The following INPP4B variants were observed in gnomAD, a reference collection of about 807,000 sequenced individuals.
The protein encoded by INPP4B is inositol polyphosphate-4-phosphatase type II B.
A neutral mutation model predicts 122.5 loss-of-function variants in INPP4B; 55 were observed. The ratio of observed to expected loss-of-function variants is 0.45; its 90% CI spans 0.36 to 0.56. The LOEUF (loss-of-function observed/expected upper bound fraction) is 0.56, where lower values mean the gene tolerates loss of function less well. Among genes scored for constraint, INPP4B ranks in the 20% least tolerant of loss-of-function variants. The pLI, the probability that INPP4B is intolerant of heterozygous loss-of-function variation, is 0.00. For synonymous variants in INPP4B, 403 were observed against 388.7 expected (o/e 1.04, Z -0.43); for missense variants, 1,000 against 1,097.7 (o/e 0.91, Z 1.26).
At chr4:142,640,891 A>G (rs1750242417) in intron 2 of INPP4B, among the ~76,000 whole-genome samples, 1 of 152,210 alleles carries the variant, frequency 6.6e-6, no homozygotes, top group Non-Finnish European at 1.5e-5. Flanking sequence ...GACACTCAGC[A>G]GATTGGCTAA....
chr4:142,557,583 T>C (rs928475543), intron 2 of INPP4B, among the ~76,000 whole-genome samples: 1 of 152,184 alleles, frequency 6.6e-6, no homozygotes, highest in African/African-American at 2.4e-5. Flanking sequence ...ATGCTCCCGA[T>C]GTCCAGGCAC....
chr4:142,490,773 A>C (rs1821775489), intron 2 of INPP4B, among the ~76,000 whole-genome samples: 1 of 152,074 alleles, frequency 6.6e-6, no homozygotes, highest in Non-Finnish European at 1.5e-5. Flanking sequence ...ATGACTTTAT[A>C]ACTTTTTTAG....
intron 17 of INPP4B, among the ~76,000 whole-genome samples, chr4:142,150,544 C>A (rs574437151): frequency 7.9e-5 from 12 of 152,296 alleles, no homozygotes; most frequent in South Asian, 6.2e-4. Context: ...CAACCCTACT[C>A]CTTGGAGGTC....
At chr4:142,559,522 T>C (rs1194432116) in intron 2 of INPP4B, among the ~76,000 whole-genome samples, 1 of 152,154 alleles carries the variant, frequency 6.6e-6, no homozygotes, top group African/African-American at 2.4e-5. Flanking sequence ...TTCAAAAGCA[T>C]CAAATAGCAA....
At chr4:142,636,480 T>TG (rs1749189491) in intron 2 of INPP4B, among the ~76,000 whole-genome samples, 1 of 152,128 alleles carries the variant, frequency 6.6e-6, no homozygotes, top group African/African-American at 2.4e-5. Context: ...GAGTTGCAAA[T>TG]TTTTCCCAAT....
At chr4:142,148,885 T>C (rs1812231495) in intron 17 of INPP4B, among the ~76,000 whole-genome samples, 1 of 152,194 alleles carries the variant, frequency 6.6e-6, no homozygotes, top group Non-Finnish European at 1.5e-5. Context: ...TGACACAATA[T>C]TTATTAGGGT....
chr4:142,145,717 A>C, intron 18 of INPP4B, 123 bp downstream of exon 18: 1 of 909,596 alleles, frequency 1.1e-6, no homozygotes. Flanking sequence ...GCAGTGGAAA[A>C]GCATGCTATC....
intron 7 of INPP4B, among the ~76,000 whole-genome samples, chr4:142,345,176 T>C (rs1779918228): frequency 6.6e-6 from 1 of 152,028 alleles, no homozygotes; most frequent in African/African-American, 2.4e-5. Flanking sequence ...AATATCTTTA[T>C]GGAAGAATCT....
chr4:142,119,621 G>T (rs1328454592), intron 21 of INPP4B, among the ~76,000 whole-genome samples: 1 of 147,764 alleles, frequency 6.8e-6, no homozygotes, highest in Non-Finnish European at 1.5e-5. Flanking sequence ...ACAGGATGGG[G>T]TACATCATAC....
At chr4:142,719,965 G>T (rs571682193) in intron 2 of INPP4B, among the ~76,000 whole-genome samples, 2 of 152,262 alleles carry the variant, frequency 1.3e-5, no homozygotes, top group Admixed American at 6.5e-5. Context: ...TACAAAAACA[G>T]AATGAAACAA....
Position 142,743,632 on chromosome 4 carries a change from G to A in INPP4B, c.-253-17731C>T, listed in dbSNP as rs192932414. ...TCTAATACCCCAGGCAGCCAGCTGA[G>A]AAATTGGCTGCTTTATGAGTCATAC... is the stretch of plus-strand genomic sequence containing the variant. On this transcript the variant is annotated intron_variant, in intron 1 of 25. Coordinates refer to ENST00000262992, the MANE Select transcript of INPP4B (RefSeq NM_001101669.3). Among the ~76,000 whole-genome samples, 73 of 152,034 alleles carry A rather than the reference G, an allele frequency of 4.8e-4. No individual in the cohort carries two copies. In the East Asian group the frequency reaches 0.01, roughly 22 times the overall value.
At chr4:142,269,835 ATGAT>A (rs1187918567) in intron 10 of INPP4B, among the ~76,000 whole-genome samples, 5 of 152,154 alleles carry the variant, frequency 3.3e-5, no homozygotes, top group Non-Finnish European at 7.3e-5. Context: ...AGTATATACA[ATGAT>A]TGTTTATTAA....
At chr4:142,098,667 ATT>A in intron 23 of INPP4B, among the ~76,000 whole-genome samples, 1 of 152,138 alleles carries the variant, frequency 6.6e-6, no homozygotes, top group Middle Eastern at 3.4e-3. Flanking sequence ...AAGGGTGGCT[ATT>A]TTTTTCCCCA....
intron 2 of INPP4B, among the ~76,000 whole-genome samples, chr4:142,529,172 A>C (rs1159976068): frequency 2.6e-5 from 4 of 152,110 alleles, no homozygotes; most frequent in Non-Finnish European, 5.9e-5. Context: ...TATCCATTTA[A>C]AGTGCAAGAC....
In INPP4B at chr4:142,025,866, CA is replaced by C. The variant is rs1192205638; in HGVS notation, c.*2915del. On this transcript the variant is annotated 3_prime_UTR_variant, in exon 26 of 26. Transcript: ENST00000262992. The stretch of plus-strand genomic sequence containing the variant: ...CGACTCACTGAATTATGAGGCTGAC[CA>C]AACTTATGTTCAGGGATTGTTTTGG... 1 of 152,050 alleles carries C rather than the reference CA, an allele frequency of 6.6e-6. No individual in the cohort carries two copies. The highest frequency in any genetic ancestry group is 6.6e-5 in the Admixed American group (1 of 15,254). The allele number at this position is 152,050 out of a possible 1,614,324, so 9.4% of individuals were successfully genotyped here.
chr4:142,472,241 T>G (rs1182637285), intron 2 of INPP4B, among the ~76,000 whole-genome samples: 1 of 151,928 alleles, frequency 6.6e-6, no homozygotes, highest in African/African-American at 2.4e-5. Context: ...AATTAATTTA[T>G]CTTCAGTAGC....
intron 1 of INPP4B, among the ~76,000 whole-genome samples, chr4:142,836,569 C>A (rs1298595004): frequency 6.6e-6 from 1 of 151,878 alleles, no homozygotes; most frequent in African/African-American, 2.4e-5. Context: ...TCAATTTAAT[C>A]CTTATCTCAC....
chr4:142,068,063 G>T (rs1396594422), intron 25 of INPP4B, among the ~76,000 whole-genome samples: 3 of 152,194 alleles, frequency 2.0e-5, no homozygotes, highest in Non-Finnish European at 4.4e-5. Flanking sequence ...AGGAAAAAAA[G>T]TTAAGGGCAG....
chr4:142,673,250 A>G (rs1757253144), intron 2 of INPP4B, among the ~76,000 whole-genome samples: 1 of 152,130 alleles, frequency 6.6e-6, no homozygotes, highest in African/African-American at 2.4e-5. Context: ...TCAATTTACC[A>G]ATTTCTATTA....
Sources: allele counts gnomAD v4.1 joint callset (sites outside exome capture counted in the v4.1 genomes callset), GRCh38; gene constraint gnomAD v4.1.1; transcripts MANE v1.5; gene names NCBI Gene and HGNC (gene_info 2026-07-23, HGNC 2026-07-21).